PACSIN2: variants seen among roughly 807,000 people sequenced by gnomAD.
PACSIN2 encodes the protein protein kinase C and casein kinase substrate in neurons protein 2.
Under a neutral mutation model 63.8 loss-of-function variants are expected in PACSIN2, and 25 were observed. The observed-to-expected ratio is 0.39, with a 90% CI of 0.29 to 0.55. The LOEUF (loss-of-function observed/expected upper bound fraction) is 0.55. Among genes scored for constraint, PACSIN2 ranks in the 20% least tolerant of loss-of-function variants. The probability of loss-of-function intolerance (pLI) is 0.62; values close to 1 mark genes in which losing one functional copy is unlikely to be tolerated. For missense variants in PACSIN2, 518 were observed against 646.9 expected, an observed-to-expected ratio of 0.80 and a Z score of 2.16; for synonymous variants, 255 against 256.2, an observed-to-expected ratio of 1.00 and a Z score of 0.05.
intron 1 of PACSIN2, among the ~76,000 whole-genome samples, chr22:42,997,624 G>A (rs1923498924): frequency 6.6e-6 from 1 of 151,556 alleles, no homozygotes; most frequent in Non-Finnish European, 1.5e-5. Flanking sequence ...ACATTGAATT[G>A]CATGCAAAAA....
chr22:42,913,597 G>A (rs1467151206), intron 1 of PACSIN2, among the ~76,000 whole-genome samples: 4 of 151,398 alleles, frequency 2.6e-5, no homozygotes, highest in South Asian at 2.1e-4. Context: ...TAAGTGCTAC[G>A]AACTTACTAA....
chr22:42,978,691 C>T (rs1003831641), intron 1 of PACSIN2, among the ~76,000 whole-genome samples: 1 of 152,170 alleles, frequency 6.6e-6, no homozygotes, highest in South Asian at 2.1e-4. Flanking sequence ...GGCCTGCAGA[C>T]GTTCAGGTGG....
intron 1 of PACSIN2, among the ~76,000 whole-genome samples, chr22:43,014,719 C>T (rs1396226990): frequency 6.6e-6 from 1 of 151,872 alleles, no homozygotes; most frequent in African/African-American, 2.4e-5. Flanking sequence ...GGCCCCGGAC[C>T]CCGGAAAACT....
At chr22:42,955,708 C>T (rs914050838) in intron 1 of PACSIN2, among the ~76,000 whole-genome samples, 6 of 152,202 alleles carry the variant, frequency 3.9e-5, no homozygotes, top group African/African-American at 1.4e-4. Context: ...TACAGTCTTG[C>T]TTTCTAACAT....
chr22:42,893,930 C>T (rs1027671062), intron 2 of PACSIN2, among the ~76,000 whole-genome samples: 2 of 151,994 alleles, frequency 1.3e-5, no homozygotes, highest in Non-Finnish European at 2.9e-5. Context: ...GATGCCTAAA[C>T]GGGCACCTCA....
rs750591319 is a variant in PACSIN2, at chr22:42,884,528, G to T, written c.643C>A (p.Leu215Ile). The T allele has an allele frequency of 6.2e-7, 1 of 1,614,052 alleles. No homozygotes were observed. Among genetic ancestry groups the T allele is most frequent in the South Asian group, 1.1e-5 (1 of 91,068 alleles). ...ATGTACTGGGGTGTGCCCTGGTCGAGTTCCTTCAGGGACTTCTCATACTTC... is the reference window on the plus strand; with the variant it reads ...ATGTACTGGGGTGTGCCCTGGTCGATTTCCTTCAGGGACTTCTCATACTTC... Reference protein sequence around the residue: ...KEKYEKSLKELDQGTPQYMEN... With the variant: ...KEKYEKSLKEIDQGTPQYMEN... The change falls in exon 6 of 11, where the codon CTC becomes ATC. Residue 215 changes from leucine (L) to isoleucine (I), a missense_variant. Physicochemically the swap from Leu to Ile is conservative, Grantham distance 5. This residue lies in a region of PACSIN2 where 507 missense variants were observed against 612.3 expected (regional missense o/e 0.83). Transcript: ENST00000263246.
chr22:42,882,958 G>C (rs1929192059), intron 6 of PACSIN2, among the ~76,000 whole-genome samples: 1 of 152,180 alleles, frequency 6.6e-6, no homozygotes, highest in African/African-American at 2.4e-5. Flanking sequence ...TCCATCAAGG[G>C]TTGAATTGTG....
intron 7 of PACSIN2, 47 bp downstream of exon 7, chr22:42,882,137 A>G: frequency 6.2e-7 from 1 of 1,606,262 alleles, no homozygotes; most frequent in African/African-American, 1.3e-5. Context: ...CTGTGGGCCC[A>G]GGTCCTCTTC....
At chr22:42,952,719 G>C (rs928077697) in intron 1 of PACSIN2, among the ~76,000 whole-genome samples, 1 of 151,554 alleles carries the variant, frequency 6.6e-6, no homozygotes, top group East Asian at 1.9e-4. Context: ...CTGGAGTGCA[G>C]TGGAGCGATC....
intron 1 of PACSIN2, among the ~76,000 whole-genome samples, chr22:42,924,795 C>T (rs1160561391): frequency 2.7e-5 from 4 of 150,542 alleles, no homozygotes; most frequent in African/African-American, 2.5e-5. Context: ...CTAGCTCTGT[C>T]GCCCAGGCTG....
At chr22:43,007,713 G>A (rs972541968) in intron 1 of PACSIN2, among the ~76,000 whole-genome samples, 3 of 152,154 alleles carry the variant, frequency 2.0e-5, no homozygotes, top group East Asian at 1.9e-4. Context: ...ATCTGGTACC[G>A]CCACAATGAA....
chr22:42,934,819 C>T (rs1932859827), intron 1 of PACSIN2, among the ~76,000 whole-genome samples: 1 of 152,218 alleles, frequency 6.6e-6, no homozygotes, highest in African/African-American at 2.4e-5. Context: ...TCACGGTACC[C>T]ACAGCTCCTC....
chr22:42,946,996 C>CCGACGA (rs1933452818), intron 1 of PACSIN2: 1 of 152,344 alleles, frequency 6.6e-6, no homozygotes, highest in Non-Finnish European at 1.5e-5. Context: ...CACATACTTC[C>CCGACGA]CGACGACGCC....
chr22:42,909,024 C>T (rs73886174), intron 2 of PACSIN2, among the ~76,000 whole-genome samples: 2 of 152,170 alleles, frequency 1.3e-5, no homozygotes, highest in African/African-American at 2.4e-5. Flanking sequence ...GTACTCCTTC[C>T]GAATATGCAT....
intron 1 of PACSIN2, among the ~76,000 whole-genome samples, chr22:42,975,911 A>G (rs750948951): frequency 1.9e-4 from 29 of 152,208 alleles, no homozygotes; most frequent in Non-Finnish European, 2.9e-5. Context: ...AGACAGACAC[A>G]AGAAAAAGAC....
intron 1 of PACSIN2, among the ~76,000 whole-genome samples, chr22:42,979,616 G>A (rs1453672061): frequency 2.0e-5 from 3 of 151,234 alleles, no homozygotes; most frequent in Non-Finnish European, 2.9e-5. Flanking sequence ...AAAGAAAGAA[G>A]TAATTGGCCC....
At chr22:42,877,789 G>A (rs1235216411) in intron 8 of PACSIN2, among the ~76,000 whole-genome samples, 5 of 152,186 alleles carry the variant, frequency 3.3e-5, no homozygotes, top group Non-Finnish European at 5.9e-5. Flanking sequence ...ACCCCACCAA[G>A]TAACTGATCC....
intron 1 of PACSIN2, among the ~76,000 whole-genome samples, chr22:42,954,883 A>AAACTGGTTTGGGATGAAAAAT (rs140077174): frequency 0.06 from 9,105 of 152,186 alleles, 903 homozygotes; most frequent in African/African-American, 0.21. Flanking sequence ...AATTAAGAAC[A>AAACTGGTTTGGGATGAAAAAT]AACTGGTTTG....
chr22:42,877,731 A>G (rs1476565219), intron 8 of PACSIN2, among the ~76,000 whole-genome samples: 1 of 152,186 alleles, frequency 6.6e-6, no homozygotes, highest in Non-Finnish European at 1.5e-5. Flanking sequence ...CGAAGACCAC[A>G]GGCAGACCAT....
Sources: gnomAD v4.1 joint callset for allele counts (sites outside exome capture counted in the v4.1 genomes callset) on GRCh38, gnomAD v4.1.1 for gene constraint, gnomAD v4.1.1 regional missense constraint, MANE v1.5 for transcripts, NCBI Gene and HGNC (gene_info 2026-07-23, HGNC 2026-07-21) for gene names.